Variants in XKR6 observed in about 807,000 individuals in gnomAD.
The protein encoded by XKR6 is XK related 6.
Under a neutral mutation model 56.7 loss-of-function variants are expected in XKR6, and 22 were observed. That is an observed-to-expected ratio of 0.39 (90% confidence interval 0.28 to 0.55). XKR6 has a LOEUF of 0.55. Ranked by LOEUF, XKR6 falls within the 20% of genes least tolerant of loss-of-function variation. The pLI is 0.66. For synonymous variants in XKR6, 524 were observed against 387.8 expected, an observed-to-expected ratio of 1.35 and a Z score of -4.13; for missense variants, 852 against 889.0, an observed-to-expected ratio of 0.96 and a Z score of 0.53.
intron 1 of XKR6, among the ~76,000 whole-genome samples, chr8:10,993,620 G>T (rs1023674540): frequency 2.0e-5 from 3 of 152,230 alleles, no homozygotes; most frequent in Admixed American, 1.3e-4. Context: ...CTAAGCAGGG[G>T]AGAGGCTGGG....
intron 1 of XKR6, among the ~76,000 whole-genome samples, chr8:11,075,560 T>G (rs545209040): frequency 6.6e-6 from 1 of 151,894 alleles, no homozygotes; most frequent in Non-Finnish European, 1.5e-5. Context: ...GTGGATGGAG[T>G]AGATACTACT....
At chr8:10,917,362 C>T (rs183816480) in intron 2 of XKR6, among the ~76,000 whole-genome samples, 28 of 152,374 alleles carry the variant, frequency 1.8e-4, no homozygotes, top group Non-Finnish European at 2.5e-4. Context: ...CCCACCTCCA[C>T]TCCCAGGAGA....
intron 1 of XKR6, among the ~76,000 whole-genome samples, chr8:11,159,552 T>A (rs555012998): frequency 6.6e-6 from 1 of 152,292 alleles, no homozygotes; most frequent in South Asian, 2.1e-4. Context: ...ATTCCCTACA[T>A]CAGCAGCATC....
At chr8:11,008,453 C>T (rs1293176705) in intron 1 of XKR6, among the ~76,000 whole-genome samples, 1 of 136,068 alleles carries the variant, frequency 7.3e-6, no homozygotes, top group East Asian at 2.1e-4. Context: ...CAGGGTCTCG[C>T]TTTGTCACCC....
At chr8:11,128,296 A>C (rs560241523) in intron 1 of XKR6, among the ~76,000 whole-genome samples, 1 of 152,280 alleles carries the variant, frequency 6.6e-6, no homozygotes, top group African/African-American at 2.4e-5. Flanking sequence ...ATCCAGGCTC[A>C]GTTCCCAGGC....
rs573830546 is a variant in XKR6 at position 10,992,568 on chromosome 8, C to T, written c.765-67738G>A. 6.8e-4 allele frequency among the ~76,000 whole-genome samples: 103 copies of T among 152,302 alleles called. 1 individual carries two copies. In the South Asian group the frequency reaches 0.021, roughly 31 times the overall value. On this transcript the variant is annotated intron_variant, in intron 1 of 2. Coordinates refer to ENST00000416569, the MANE Select transcript of XKR6 (RefSeq NM_173683.4). ...CAGCCTGCAAACCTTGCAGACAGAT[C>T]CGCTTGTTAAAGGGAACTCTAATCC...
At chr8:10,997,118 C>T (rs113025378) in intron 1 of XKR6, among the ~76,000 whole-genome samples, 3 of 152,172 alleles carry the variant, frequency 2.0e-5, no homozygotes, top group Admixed American at 2.0e-4. Flanking sequence ...CTCATTATTT[C>T]TTTTCTCAAA....
intron 1 of XKR6, chr8:11,108,132 G>C: frequency 2.8e-6 from 1 of 356,956 alleles, no homozygotes; most frequent in Non-Finnish European, 5.5e-6. Context: ...GGACCCGTGT[G>C]TTGAAACACA....
At chr8:11,041,137 G>A (rs1799276432) in intron 1 of XKR6, among the ~76,000 whole-genome samples, 1 of 152,152 alleles carries the variant, frequency 6.6e-6, no homozygotes, top group African/African-American at 2.4e-5. Flanking sequence ...GTTAGGGACA[G>A]CTCAGTGTAC....
rs1400023404 is a variant in XKR6 at position 11,035,162 on chromosome 8, G to C, written c.765-110332C>G. ...AAAGACAAACTATGACAAACAGCCA[G>C]TCTCGTGCCCAGCCCAGCGTGGGTG... On this transcript the variant is annotated intron_variant, in intron 1 of 2. Transcript: ENST00000416569. The C allele has an allele frequency of 5.6e-6, 3 of 533,640 alleles. No individual in the cohort carries two copies. The Admixed American group carries it at 5.8e-5, about 10-fold the overall frequency. 33.1% of individuals were successfully genotyped at this position (533,640 alleles called of 1,614,324 possible).
chr8:11,094,035 C>T (rs993427743), intron 1 of XKR6, among the ~76,000 whole-genome samples: 3 of 149,578 alleles, frequency 2.0e-5, no homozygotes, highest in Non-Finnish European at 4.4e-5. Context: ...CCACCCGCCT[C>T]GGCCTCCCAA....
chr8:10,963,603 A>G (rs1369405603), intron 1 of XKR6, among the ~76,000 whole-genome samples: 1 of 151,276 alleles, frequency 6.6e-6, no homozygotes, highest in Non-Finnish European at 1.5e-5. Context: ...GTGCCACGGT[A>G]TGGTCATGGA....
chr8:11,069,805 C>T (rs1800071783), intron 1 of XKR6, among the ~76,000 whole-genome samples: 1 of 152,182 alleles, frequency 6.6e-6, no homozygotes, highest in African/African-American at 2.4e-5. Flanking sequence ...GGGGATGTAG[C>T]ATGCGGCGTG....
At chr8:10,976,162 C>T (rs1414317082) in intron 1 of XKR6, among the ~76,000 whole-genome samples, 4 of 150,948 alleles carry the variant, frequency 2.6e-5, no homozygotes, top group Middle Eastern at 3.2e-3. Context: ...GGTGACAGAG[C>T]AAGACTCCAT....
chr8:10,965,108 G>A (rs1252475293), intron 1 of XKR6, among the ~76,000 whole-genome samples: 2 of 152,226 alleles, frequency 1.3e-5, no homozygotes, highest in African/African-American at 4.8e-5. Flanking sequence ...ATATTGCCAA[G>A]GCCCCAGAAC....
intron 1 of XKR6, among the ~76,000 whole-genome samples, chr8:11,015,879 G>GC (rs942386786): frequency 1.3e-5 from 2 of 152,112 alleles, no homozygotes; most frequent in Non-Finnish European, 2.9e-5. Context: ...TGCCCGAGGC[G>GC]CCCCAAAGGT....
At chr8:11,177,920 T>C (rs943500935) in intron 1 of XKR6, among the ~76,000 whole-genome samples, 6 of 152,254 alleles carry the variant, frequency 3.9e-5, no homozygotes, top group Admixed American at 6.5e-5. Flanking sequence ...AGTGAGCTAA[T>C]GTCCTGCTCC....
In XKR6 at chr8:11,149,679, A is replaced by G. The variant is rs193284487; in HGVS notation, c.764+50897T>C. Among the ~76,000 whole-genome samples the G allele has an allele frequency of 1.8e-4, 28 of 152,340 alleles. 1 individual carries two copies. In the East Asian group the frequency reaches 5.4e-3, roughly 29 times the overall value. ...AATTAGTACAGCCACTACAGAAAAC[A>G]GTATGAAGATTTCTCACAAAACCAA... On this transcript the variant is annotated intron_variant, in intron 1 of 2. Coordinates refer to ENST00000416569, the MANE Select transcript of XKR6 (RefSeq NM_173683.4).
In XKR6 at chr8:10,992,287, T is replaced by A. The variant is rs568943987; in HGVS notation, c.765-67457A>T. On this transcript the variant is annotated intron_variant, in intron 1 of 2. Transcript: ENST00000416569. ...CTGTCTCTCTGTCTCTCTCTCTCTC[T>A]CACACACACACACACACACATTCAC... Among the ~76,000 whole-genome samples the A allele has an allele frequency of 8.4e-3, 1,263 of 149,864 alleles. 6 individuals are homozygous for A. The highest frequency in any genetic ancestry group is 0.013 in the Non-Finnish European group (876 of 67,248).
Sources: gnomAD v4.1 joint callset for allele counts (sites outside exome capture counted in the v4.1 genomes callset) on GRCh38, gnomAD v4.1.1 for gene constraint, MANE v1.5 for transcripts, NCBI Gene and HGNC (gene_info 2026-07-23, HGNC 2026-07-21) for gene names.